The following STPG4 variants were observed in gnomAD, a reference collection of about 807,000 sequenced individuals.
STPG4 encodes the protein protein STPG4.
In STPG4, 41 loss-of-function variants were observed where a neutral mutation model predicts 31.5. The ratio of observed to expected loss-of-function variants is 1.30; its 90% CI spans 1.01 to 1.69. STPG4 has a LOEUF of 1.69. Among genes scored for constraint, STPG4 ranks in the 40% most tolerant of loss-of-function variants. The pLI, the probability that STPG4 is intolerant of heterozygous loss-of-function variation, is 0.00. For missense variants in STPG4, 375 were observed against 293.4 expected, an observed-to-expected ratio of 1.28 and a Z score of -2.03; for synonymous variants, 141 against 103.0, an observed-to-expected ratio of 1.37 and a Z score of -2.24.
chr2:47,139,053 A>G (rs1686654931), intron 3 of STPG4, among the ~76,000 whole-genome samples: 1 of 152,146 alleles, frequency 6.6e-6, no homozygotes, highest in Non-Finnish European at 1.5e-5. Flanking sequence ...AGCTGGAGGA[A>G]ATGTGTATTC....
At chr2:47,135,059 G>C (rs1351755090) in intron 3 of STPG4, among the ~76,000 whole-genome samples, 2 of 152,070 alleles carry the variant, frequency 1.3e-5, no homozygotes, top group African/African-American at 4.8e-5. Flanking sequence ...TCTTATTGCT[G>C]GGTTTTCAGA....
At chr2:47,124,970 G>A (rs1425124550) in intron 5 of STPG4, among the ~76,000 whole-genome samples, 1 of 152,036 alleles carries the variant, frequency 6.6e-6, no homozygotes, top group African/African-American at 2.4e-5. Context: ...ATTTAAACTG[G>A]GATGCAATGA....
At chr2:47,142,068 G>C (rs1451465263) in intron 3 of STPG4, among the ~76,000 whole-genome samples, 1 of 150,890 alleles carries the variant, frequency 6.6e-6, no homozygotes, top group African/African-American at 2.4e-5. Context: ...TTTTACCATG[G>C]AGCATTCTGC....
At chr2:47,108,549 C>A in intron 5 of STPG4, 1 of 173,494 alleles carries the variant, frequency 5.8e-6, no homozygotes, top group South Asian at 1.8e-4. Context: ...TTCTTGAAGT[C>A]AGTGAGACCA....
chr2:47,147,992 C>G (rs1686860396), intron 3 of STPG4, among the ~76,000 whole-genome samples: 1 of 150,118 alleles, frequency 6.7e-6, no homozygotes, highest in Non-Finnish European at 1.5e-5. Context: ...TGCTCTGTCG[C>G]CCAGGCTGGA....
chr2:47,111,648 T>TC (rs1177425187), intron 5 of STPG4, among the ~76,000 whole-genome samples: 1 of 152,194 alleles, frequency 6.6e-6, no homozygotes, highest in African/African-American at 2.4e-5. Flanking sequence ...GTAGAAGTTT[T>TC]CAACACAATG....
intron 3 of STPG4, among the ~76,000 whole-genome samples, chr2:47,143,906 C>T (rs1686766320): frequency 1.3e-5 from 2 of 152,188 alleles, no homozygotes; most frequent in African/African-American, 4.8e-5. Context: ...TTTCTGGAAA[C>T]TCCCTTGCAT....
At chr2:47,102,776 G>A (rs1685827175) in intron 5 of STPG4, among the ~76,000 whole-genome samples, 1 of 151,750 alleles carries the variant, frequency 6.6e-6, no homozygotes, top group Non-Finnish European at 1.5e-5. Context: ...GTAGGGGGAG[G>A]GGAATTTGGC....
At chr2:47,124,522 A>G (rs1343204471) in intron 5 of STPG4, among the ~76,000 whole-genome samples, 1 of 152,184 alleles carries the variant, frequency 6.6e-6, no homozygotes, top group Non-Finnish European at 1.5e-5. Context: ...GAGAACATGC[A>G]AAGTTTGCCT....
intron 1 of STPG4, among the ~76,000 whole-genome samples, chr2:47,153,666 ATGAGGC>A (rs1441105740): frequency 6.6e-6 from 1 of 152,170 alleles, no homozygotes; most frequent in African/African-American, 2.4e-5. Flanking sequence ...ATCCCTACTC[ATGAGGC>A]TGAGGCACGA....
Position 47,094,889 on chromosome 2 carries a change from T to C in STPG4, c.520-4515A>G, listed in dbSNP as rs186758318. ...AATGCTGTATAACATTACAGGCCTT[T>C]GGTAAGCCTGACATTTCCTGCCTGC... is the stretch of plus-strand genomic sequence containing the variant. On this transcript the variant is annotated intron_variant, in intron 5 of 6. Transcript: ENST00000445927. Among the ~76,000 whole-genome samples the C allele has an allele frequency of 2.5e-3, 375 of 152,294 alleles. 1 individual carries two copies. The highest frequency in any genetic ancestry group is 4.2e-3 in the Non-Finnish European group (284 of 68,006).
intron 1 of STPG4, among the ~76,000 whole-genome samples, chr2:47,153,753 G>C (rs555843448): frequency 6.6e-6 from 1 of 152,176 alleles, no homozygotes; most frequent in South Asian, 2.1e-4. Context: ...CAGCCTGGGC[G>C]ACAAAGCAAG....
At chr2:47,141,119 T>G in intron 3 of STPG4, among the ~76,000 whole-genome samples, 1 of 151,950 alleles carries the variant, frequency 6.6e-6, no homozygotes, top group East Asian at 1.9e-4. Flanking sequence ...ACTCCTAACC[T>G]CAAGTGATCT....
chr2:47,117,362 A>AC (rs1454729674), intron 5 of STPG4, among the ~76,000 whole-genome samples: 1 of 152,082 alleles, frequency 6.6e-6, no homozygotes, highest in Non-Finnish European at 1.5e-5. Flanking sequence ...GGCATGCACC[A>AC]CCACACCTGG....
At chr2:47,149,545 A>C (rs1470986842) in intron 3 of STPG4, among the ~76,000 whole-genome samples, 3 of 152,238 alleles carry the variant, frequency 2.0e-5, no homozygotes, top group Non-Finnish European at 4.4e-5. Context: ...ATGAACACTT[A>C]TCATTCTGTT....
At chr2:47,124,273 C>T (rs1397698481) in intron 5 of STPG4, among the ~76,000 whole-genome samples, 1 of 152,160 alleles carries the variant, frequency 6.6e-6, no homozygotes, top group East Asian at 1.9e-4. Flanking sequence ...GTGTGAGCCA[C>T]CGTGCCCAGC....
At chr2:47,091,177 A>AGG (rs1685563734) in intron 5 of STPG4, among the ~76,000 whole-genome samples, 1 of 151,782 alleles carries the variant, frequency 6.6e-6, no homozygotes. Flanking sequence ...AGGGAGGGGA[A>AGG]GGAAGGAGAG....
At chr2:47,111,212 T>G (rs77941999) in intron 5 of STPG4, among the ~76,000 whole-genome samples, 4,036 of 152,178 alleles carry the variant, frequency 0.027, 187 homozygotes, top group African/African-American at 0.092. Flanking sequence ...CAAGTAGATG[T>G]TGGTGGTGGT....
chr2:47,119,406 T>C (rs977721968), intron 5 of STPG4, among the ~76,000 whole-genome samples: 2 of 152,166 alleles, frequency 1.3e-5, no homozygotes, highest in Admixed American at 6.5e-5. Flanking sequence ...ATAAAAGCAA[T>C]AGAACAATGG....
Sources: allele counts gnomAD v4.1 joint callset (sites outside exome capture counted in the v4.1 genomes callset), GRCh38; gene constraint gnomAD v4.1.1; transcripts MANE v1.5; gene names NCBI Gene and HGNC (gene_info 2026-07-23, HGNC 2026-07-21).